MTRR: variants seen among roughly 807,000 people sequenced by gnomAD.
The protein encoded by MTRR is methionine synthase reductase.
A neutral mutation model predicts 79.2 loss-of-function variants in MTRR; 63 were observed. The observed-to-expected ratio is 0.80, with a 90% CI of 0.65 to 0.98. MTRR has a LOEUF of 0.98. Among genes scored for constraint, MTRR ranks in the 50% least tolerant of loss-of-function variants. MTRR has a pLI of 0.00. For missense variants in MTRR, 895 were observed against 839.6 expected (o/e 1.07, Z -0.82); for synonymous variants, 355 against 313.3 (o/e 1.13, Z -1.41).
intron 8 of MTRR, 86 bp downstream of exon 8, chr5:7,886,789 C>T (rs945533978): frequency 3.8e-6 from 4 of 1,053,232 alleles, no homozygotes; most frequent in Non-Finnish European, 5.9e-6. Context: ...AGAATATGCC[C>T]TTTGCAGTCT....
At chr5:7,877,445 T>G (rs1734759403) in intron 4 of MTRR, among the ~76,000 whole-genome samples, 1 of 151,784 alleles carries the variant, frequency 6.6e-6, no homozygotes, top group African/African-American at 2.4e-5. Flanking sequence ...CCATAGTGAT[T>G]TCTTGGTGAT....
At position 7,869,188 on chromosome 5, in the gene MTRR, A is replaced by G; in HGVS notation, c.-53A>G. The G allele has an allele frequency of 1.9e-6, 3 of 1,610,798 alleles. No individual in the cohort carries two copies. The highest frequency in any genetic ancestry group is 1.7e-6 in the Non-Finnish European group (2 of 1,179,808). ...AAGGTTGGTGGAAGTCGCGTTGTGC[A>G]GGTTCGTGCCCGGCTGGCGCGGCGT... On this transcript the variant is annotated 5_prime_UTR_variant, in exon 1 of 15. Coordinates refer to ENST00000440940, the MANE Select transcript of MTRR (RefSeq NM_002454.3).
chr5:7,900,134 T>G lies in MTRR; in HGVS notation c.*76T>G, dbSNP rs889346361. ...AAGTCAGCTTTACTAGTGCCAAACC[T>G]TTAAATTTTCAAAAGAAAATTTTCT... On this transcript the variant is annotated 3_prime_UTR_variant, in exon 15 of 15. Transcript: ENST00000440940. 6.5e-6 allele frequency: 10 copies of G among 1,539,212 alleles called. No individual in the cohort carries two copies. The East Asian group carries it at 2.3e-4, about 35-fold the overall frequency.
At position 7,898,539 on chromosome 5, in the gene MTRR, A is replaced by G. The variant is rs949545546; in HGVS notation, c.1952+1292A>G. 3.9e-5 allele frequency among the ~76,000 whole-genome samples: 6 copies of G among 152,256 alleles called. No homozygotes were observed. In the East Asian group the frequency reaches 1.2e-3, roughly 29 times the overall value. The stretch of plus-strand genomic sequence containing the variant: ...AACATTGATCGTCCGTCAGGGAAGC[A>G]GGAACAAAGTAGACAGAAGGAACAG... On this transcript the variant is annotated intron_variant, in intron 14 of 14. Coordinates refer to ENST00000440940, the MANE Select transcript of MTRR (RefSeq NM_002454.3).
intron 11 of MTRR, among the ~76,000 whole-genome samples, chr5:7,895,378 T>C (rs769934198): frequency 6.6e-6 from 1 of 152,194 alleles, no homozygotes; most frequent in African/African-American, 2.4e-5. Flanking sequence ...ATTGTCTTCA[T>C]ATTTAGGGTA....
At chr5:7,886,202 T>G (rs1175817404) in intron 7 of MTRR, among the ~76,000 whole-genome samples, 1 of 152,140 alleles carries the variant, frequency 6.6e-6, no homozygotes, top group Non-Finnish European at 1.5e-5. Context: ...TTTTGCTCAT[T>G]TATTATATAA....
rs773629167 is a variant in MTRR at position 7,883,253 on chromosome 5, T to C, written c.879T>C (p.Thr293=). Residue 293 remains threonine, a synonymous_variant, in exon 6 of 15, where the codon ACT becomes ACC. Transcript: ENST00000440940. The part of the protein sequence containing the change: ...QLTTNDAIKT[T]LLVELDISNT... Reference sequence around the variant, plus strand: ...CTACGAATGATGCCATAAAAACCACTCTGCTGGTAGAATTGGACATTTCAG... The same window carrying C: ...CTACGAATGATGCCATAAAAACCACCCTGCTGGTAGAATTGGACATTTCAG... 478 of 1,614,140 alleles carry C rather than the reference T, an allele frequency of 3.0e-4. 1 individual carries two copies. Among genetic ancestry groups the C allele is most frequent in the Non-Finnish European group, 1.4e-5 (17 of 1,180,044 alleles).
rs747373546 is a variant in MTRR at position 7,878,188 on chromosome 5, C to A, written c.646C>A (p.Gln216Lys). The change falls in exon 5 of 15, where the codon CAA becomes AAA. Residue 216 changes from glutamine (Q) to lysine (K), a missense_variant. Gln to Lys is a moderately conservative substitution (Grantham distance 53). Coordinates refer to ENST00000440940, the MANE Select transcript of MTRR (RefSeq NM_002454.3). ...GAAGCAAAATGCAGTGAACAGCAAC[C>A]AATCCAATGTTGTAATTGAAGACTT... ...VLKQNAVNSN[Q>K]SNVVIEDFES... 5 of 1,614,180 alleles carry A rather than the reference C, an allele frequency of 3.1e-6. No individual in the cohort carries two copies. Among genetic ancestry groups the A allele is most frequent in the Non-Finnish European group, 3.4e-6 (4 of 1,180,048 alleles).
intron 14 of MTRR, among the ~76,000 whole-genome samples, chr5:7,897,611 G>A (rs1738755883): frequency 6.6e-6 from 1 of 152,138 alleles, no homozygotes; most frequent in Non-Finnish European, 1.5e-5. Flanking sequence ...GTGAACTATT[G>A]ATAAGTAAGA....
chr5:7,865,789 T>G, upstream of MTRR: 1 of 784,622 alleles, frequency 1.3e-6, no homozygotes, highest in African/African-American at 1.7e-5. Flanking sequence ...TGACTCCAAG[T>G]AAATGAAATT....
chr5:7,859,242 G>A, intron 1 of MTRR: 2 of 370,130 alleles, frequency 5.4e-6, no homozygotes, highest in Non-Finnish European at 9.6e-6. Flanking sequence ...TATGACACTA[G>A]TATTAAATTA....
intron 1 of MTRR, among the ~76,000 whole-genome samples, chr5:7,854,679 A>G (rs1425451053): frequency 2.6e-5 from 4 of 152,164 alleles, no homozygotes; most frequent in African/African-American, 4.8e-5. Context: ...GATTCAAGCT[A>G]TCTCCCTCCG....
At chr5:7,859,676 G>C in intron 1 of MTRR, 1 of 550,784 alleles carries the variant, frequency 1.8e-6, no homozygotes, top group Non-Finnish European at 3.2e-6. Flanking sequence ...ATCCCAACCA[G>C]CTTCTTCATC....
At chr5:7,891,479 G>C (rs1737569238) in intron 10 of MTRR, 65 bp downstream of exon 10, 2 of 1,326,644 alleles carry the variant, frequency 1.5e-6, no homozygotes, top group Non-Finnish European at 2.2e-6. Flanking sequence ...CAGGCTTCCA[G>C]ATCATTAGAG....
At chr5:7,857,754 G>C (rs1273245185) in intron 1 of MTRR, among the ~76,000 whole-genome samples, 2 of 152,208 alleles carry the variant, frequency 1.3e-5, no homozygotes, top group African/African-American at 4.8e-5. Context: ...CCTAGAGCTG[G>C]AGCATTGAGT....
At chr5:7,878,704 G>T (rs1734997481) in intron 5 of MTRR, among the ~76,000 whole-genome samples, 1 of 152,240 alleles carries the variant, frequency 6.6e-6, no homozygotes, top group South Asian at 2.1e-4. Flanking sequence ...TAACAACTTG[G>T]TTTCTCATTT....
Position 7,877,906 on chromosome 5 carries a change from G to A in MTRR, c.402-38G>A, listed in dbSNP as rs188067853. ...GTTCTGTGTTCAGATGGAGAACTTA[G>A]GCATTTGTTTTGTTTTTCGTTTGTT... On this transcript the variant is annotated intron_variant, in intron 4 of 14. Transcript: ENST00000440940. 4.4e-6 allele frequency: 7 copies of A among 1,606,306 alleles called. No homozygotes were observed. The Admixed American group carries it at 1.2e-4, about 27-fold the overall frequency.
intron 1 of MTRR, among the ~76,000 whole-genome samples, chr5:7,854,730 C>T (rs115886649): frequency 0.024 from 3,660 of 152,230 alleles, 156 homozygotes; most frequent in African/African-American, 0.084. Flanking sequence ...AGATTTGGGT[C>T]GGGACGTAGA....
chr5:7,867,520 C>G (rs560390468), upstream of MTRR: 55 of 1,614,118 alleles, frequency 3.4e-5, no homozygotes, highest in African/African-American at 6.7e-5. Flanking sequence ...GATCCACATG[C>G]AACAGAATCA....
Sources: allele counts gnomAD v4.1 joint callset (sites outside exome capture counted in the v4.1 genomes callset), GRCh38; gene constraint gnomAD v4.1.1; transcripts MANE v1.5; gene names NCBI Gene and HGNC (gene_info 2026-07-23, HGNC 2026-07-21).